The following BPNT1 variants were observed in gnomAD, a reference collection of about 807,000 sequenced individuals.
BPNT1 encodes the protein 3'(2'),5'-bisphosphate nucleotidase 1.
A neutral mutation model predicts 36.9 loss-of-function variants in BPNT1; 28 were observed. The observed-to-expected ratio is 0.76, with a 90% CI of 0.56 to 1.04. The LOEUF (loss-of-function observed/expected upper bound fraction) is 1.04. BPNT1 is among the 50% of genes least tolerant of loss of function. The pLI, the probability that BPNT1 is intolerant of heterozygous loss-of-function variation, is 0.00. For missense variants in BPNT1, 313 were observed against 372.9 expected, an observed-to-expected ratio of 0.84 and a Z score of 1.32; for synonymous variants, 119 against 130.9, an observed-to-expected ratio of 0.91 and a Z score of 0.62.
At chr1:220,060,976 G>C (rs536690942) in intron 7 of BPNT1, among the ~76,000 whole-genome samples, 25 of 152,196 alleles carry the variant, frequency 1.6e-4, no homozygotes, top group Non-Finnish European at 3.7e-4. Context: ...TATAGAAAGA[G>C]AATGTTCAGA....
At chr1:220,073,097 G>C in intron 3 of BPNT1, 140 bp from the exon 4 acceptor site, 2 of 778,350 alleles carry the variant, frequency 2.6e-6, no homozygotes, top group South Asian at 3.6e-5. Flanking sequence ...AGCTTTTAAA[G>C]CAAACCTTAA....
At chr1:220,073,374 C>A (rs893978877) in intron 3 of BPNT1, among the ~76,000 whole-genome samples, 1 of 151,928 alleles carries the variant, frequency 6.6e-6, no homozygotes, top group African/African-American at 2.4e-5. Flanking sequence ...CTGCAACCTC[C>A]CCATCCTGGG....
chr1:220,081,057 G>A (rs945592181), intron 1 of BPNT1, among the ~76,000 whole-genome samples: 1 of 152,134 alleles, frequency 6.6e-6, no homozygotes, highest in Non-Finnish European at 1.5e-5. Flanking sequence ...CTCTGCCTCA[G>A]CCTCCCAAGT....
chr1:220,076,657 C>G (rs1571780464), intron 2 of BPNT1, among the ~76,000 whole-genome samples: 2 of 150,086 alleles, frequency 1.3e-5, no homozygotes, highest in East Asian at 3.9e-4. Flanking sequence ...TGCACTCCAG[C>G]CTGGGCAACA....
chr1:220,088,801 A>AG (rs1558110203), intron 1 of BPNT1, among the ~76,000 whole-genome samples: 1 of 148,212 alleles, frequency 6.7e-6, no homozygotes, highest in African/African-American at 2.4e-5. Flanking sequence ...AAAAAAAAAA[A>AG]AAAAGAAAGA....
At chr1:220,080,643 A>G (rs568481681) in intron 1 of BPNT1, among the ~76,000 whole-genome samples, 7 of 152,244 alleles carry the variant, frequency 4.6e-5, no homozygotes, top group African/African-American at 1.7e-4. Context: ...ACTCACTATC[A>G]CTGCCCCCAT....
intron 5 of BPNT1, 37 bp from the exon 6 acceptor site, chr1:220,067,430 C>T (rs371343018): frequency 1.4e-4 from 205 of 1,469,456 alleles, no homozygotes; most frequent in Non-Finnish European, 1.4e-4. Context: ...ATATAACTTG[C>T]TCATATTATG....
Position 220,058,792 on chromosome 1 carries a change from G to C in BPNT1, c.*52C>G. 6.4e-7 allele frequency: 1 copy of C among 1,555,874 alleles called. No individual in the cohort carries two copies. The highest frequency in any genetic ancestry group is 8.8e-7 in the Non-Finnish European group (1 of 1,131,040). Reference sequence around the variant, plus strand: ...GATCCACCTGCCTCGGCCTCCCAAAGTGCTGGGATTACAGGCATGAGCCAC... The same window carrying C: ...GATCCACCTGCCTCGGCCTCCCAAACTGCTGGGATTACAGGCATGAGCCAC... On this transcript the variant is annotated 3_prime_UTR_variant, in exon 9 of 9. Transcript: ENST00000322067.
Position 220,074,063 on chromosome 1 carries a change from T to G in BPNT1, c.129A>C (p.Ala43=), listed in dbSNP as rs775524287. 6.2e-7 allele frequency: 1 copy of G among 1,613,290 alleles called. No homozygotes were observed. The highest frequency in any genetic ancestry group is 1.1e-5 in the South Asian group (1 of 90,700). ...GDLGIVEKTC[A]TDLQTKADRL... ...GGTCAGCTTTGGTCTGCAGGTCTGTTGCACAGGTCTGTAATAAAGAATGCA... is the reference window on the plus strand; with the variant it reads ...GGTCAGCTTTGGTCTGCAGGTCTGTGGCACAGGTCTGTAATAAAGAATGCA... Residue 43 remains alanine, a synonymous_variant, in exon 3 of 9, where the codon GCA becomes GCC. Transcript: ENST00000322067.
chr1:220,064,876 C>T (rs1156587041), intron 6 of BPNT1, among the ~76,000 whole-genome samples: 1 of 152,006 alleles, frequency 6.6e-6, no homozygotes, highest in Non-Finnish European at 1.5e-5. Context: ...GGTGCGATCT[C>T]GGCTCACTGC....
At chr1:220,081,297 T>C (rs1321348235) in intron 1 of BPNT1, among the ~76,000 whole-genome samples, 1 of 152,068 alleles carries the variant, frequency 6.6e-6, no homozygotes, top group East Asian at 1.9e-4. Context: ...AATCCCAGGA[T>C]TTTGGGAGGC....
At chr1:220,065,980 A>G (rs4268361) in intron 6 of BPNT1, 3 of 811,164 alleles carry the variant, frequency 3.7e-6, no homozygotes, top group Non-Finnish European at 5.6e-6. Context: ...ATGAACTGGT[A>G]TGTGGGATGT....
chr1:220,059,580 T>C, intron 8 of BPNT1, 106 bp downstream of exon 8: 1 of 880,910 alleles, frequency 1.1e-6, no homozygotes. Context: ...GCCTTCTAGC[T>C]TTTATATCGT....
chr1:220,082,146 G>GAT lies in BPNT1; in HGVS notation c.-8-2294_-8-2293dup, dbSNP rs1491364128. Among the ~76,000 whole-genome samples, 3 of 137,194 alleles carry GAT rather than the reference G, an allele frequency of 2.2e-5. No individual in the cohort carries two copies. The East Asian group carries it at 6.4e-4, about 29-fold the overall frequency. 90.0% of individuals were successfully genotyped at this position (137,194 alleles called of 152,430 possible). A position where few individuals can be genotyped will look rare whatever the true frequency, so the allele number is the denominator to read the frequency against. On this transcript the variant is annotated intron_variant, in intron 1 of 8. Coordinates refer to ENST00000322067, the MANE Select transcript of BPNT1 (RefSeq NM_006085.6). ...GTGTATATATATATAAAATATATAT[G>GAT]ATATATATGTATTTTATATATATTT...
intron 2 of BPNT1, 73 bp from the exon 3 acceptor site, chr1:220,074,144 G>C (rs1032573550): frequency 1.5e-6 from 2 of 1,333,376 alleles, no homozygotes; most frequent in African/African-American, 1.5e-5. Context: ...GTGCATGAGT[G>C]CCTACATAAT....
chr1:220,066,278 T>TACATAAAACCACATAA (rs1558081837), intron 6 of BPNT1, among the ~76,000 whole-genome samples: 1 of 152,184 alleles, frequency 6.6e-6, no homozygotes, highest in Non-Finnish European at 1.5e-5. Context: ...ACTTAAAGTT[T>TACATAAAACCACATAA]ACATAAAAAC....
intron 4 of BPNT1, among the ~76,000 whole-genome samples, chr1:220,070,243 T>C (rs151021628): frequency 1.4e-3 from 216 of 152,354 alleles, no homozygotes; most frequent in African/African-American, 5.0e-3. Context: ...GGACATTTAA[T>C]ATGATTCAGG....
chr1:220,072,465 C>T (rs1664152638), intron 4 of BPNT1, among the ~76,000 whole-genome samples: 3 of 152,080 alleles, frequency 2.0e-5, no homozygotes, highest in Admixed American at 2.0e-4. Context: ...TAAGTGTGCA[C>T]CACCATACCT....
chr1:220,059,736 C>G lies in BPNT1; in HGVS notation c.728G>C (p.Cys243Ser). 1 of 1,611,466 alleles carries G rather than the reference C, an allele frequency of 6.2e-7. No individual in the cohort carries two copies. The highest frequency in any genetic ancestry group is 8.5e-7 in the Non-Finnish European group (1 of 1,179,172). The change falls in exon 8 of 9, where the codon TGT becomes TCT. Residue 243 changes from cysteine to serine, a missense_variant. Transcript: ENST00000322067. ...TGGAGCACAAGTATCCCACTTCTTA[C>G]AACCAGGACTTGCAAATACATAAGC... The part of the protein sequence containing the change: ...ASAYVFASPG[C>S]KKWDTCAPEV...
Sources: gnomAD v4.1 joint callset for allele counts (sites outside exome capture counted in the v4.1 genomes callset) on GRCh38, gnomAD v4.1.1 for gene constraint, MANE v1.5 for transcripts, NCBI Gene and HGNC (gene_info 2026-07-23, HGNC 2026-07-21) for gene names.